The following PRR16 variants were observed in gnomAD, a reference collection of about 807,000 sequenced individuals.
PRR16 encodes the protein protein Largen.
A neutral mutation model predicts 18.2 loss-of-function variants in PRR16; 6 were observed. That is an observed-to-expected ratio of 0.33 (90% confidence interval 0.18 to 0.65). The LOEUF (loss-of-function observed/expected upper bound fraction) is 0.65. Among genes scored for constraint, PRR16 ranks in the 30% least tolerant of loss-of-function variants. The pLI, the probability that PRR16 is intolerant of heterozygous loss-of-function variation, is 0.74. For missense variants in PRR16, 412 were observed against 376.6 expected (o/e 1.09, Z -0.78); for synonymous variants, 151 against 147.8 (o/e 1.02, Z -0.16).
At chr5:120,705,389 A>C in the PRR16 span, among the ~76,000 whole-genome samples, 1 of 152,076 alleles carries the variant, frequency 6.6e-6, no homozygotes, top group African/African-American at 2.4e-5. Context: ...ATTTTAGTAA[A>C]CATATATATC....
the PRR16 span, among the ~76,000 whole-genome samples, chr5:120,720,637 A>C: frequency 4.6e-5 from 7 of 152,026 alleles, no homozygotes; most frequent in Non-Finnish European, 8.8e-5. Context: ...TTTGATGAGG[A>C]GATTATAAAA....
chr5:120,543,324 T>C (rs1202523793), intron 1 of PRR16, among the ~76,000 whole-genome samples: 1 of 152,028 alleles, frequency 6.6e-6, no homozygotes, highest in Non-Finnish European at 1.5e-5. Flanking sequence ...GAGCATATCG[T>C]GGGGTTATTT....
chr5:120,740,576 G>T, the PRR16 span, among the ~76,000 whole-genome samples: 1 of 151,890 alleles, frequency 6.6e-6, no homozygotes. Context: ...TGTTTCTTTG[G>T]CCTACTTTTG....
intron 1 of PRR16, among the ~76,000 whole-genome samples, chr5:120,502,155 A>T (rs924355704): frequency 6.6e-6 from 1 of 151,050 alleles, no homozygotes; most frequent in Non-Finnish European, 1.5e-5. Flanking sequence ...CACTTAAGGA[A>T]ATCTGTCCTA....
At chr5:120,688,887 G>A (rs1473163699), downstream of PRR16, among the ~76,000 whole-genome samples, 1 of 152,130 alleles carries the variant, frequency 6.6e-6, no homozygotes, top group African/African-American at 2.4e-5. Context: ...CAGACACCTA[G>A]AAACAATCTC....
chr5:120,596,108 A>G (rs1580767724), intron 1 of PRR16, among the ~76,000 whole-genome samples: 1 of 145,262 alleles, frequency 6.9e-6, no homozygotes, highest in Admixed American at 7.1e-5. Flanking sequence ...TATCTGTCTC[A>G]TTCCAGATGT....
chr5:120,508,650 T>C (rs975338863), intron 1 of PRR16, among the ~76,000 whole-genome samples: 5 of 152,126 alleles, frequency 3.3e-5, no homozygotes, highest in Non-Finnish European at 7.4e-5. Context: ...ATCCAGAATA[T>C]CCTTATAAAT....
chr5:120,481,456 G>A (rs1363660532), intron 1 of PRR16, among the ~76,000 whole-genome samples: 1 of 152,102 alleles, frequency 6.6e-6, no homozygotes, highest in Non-Finnish European at 1.5e-5. Flanking sequence ...CATTGCCGAT[G>A]TTGTTTCCAT....
Position 120,585,642 on chromosome 5 carries a change from A to C in PRR16, c.160-100312A>C, listed in dbSNP as rs570140456. Among the ~76,000 whole-genome samples, 76 of 149,920 alleles carry C rather than the reference A, an allele frequency of 5.1e-4. 1 individual carries two copies. The South Asian group carries it at 8.0e-3, about 16-fold the overall frequency. Reference sequence around the variant, plus strand: ...AAAAAAAAAAAAAAGCTCCTTCTTCACACTACCCCACTCCTTTGCCATCTC... The same window carrying C: ...AAAAAAAAAAAAAAGCTCCTTCTTCCCACTACCCCACTCCTTTGCCATCTC... On this transcript the variant is annotated intron_variant, in intron 1 of 1. Coordinates refer to ENST00000407149, the MANE Select transcript of PRR16 (RefSeq NM_001300783.2).
At chr5:120,495,204 A>G (rs1354277704) in intron 1 of PRR16, among the ~76,000 whole-genome samples, 1 of 152,048 alleles carries the variant, frequency 6.6e-6, no homozygotes, top group Non-Finnish European at 1.5e-5. Context: ...ATCCATGAAC[A>G]TGATTGTCTA....
chr5:120,572,399 A>G (rs1752936325), intron 1 of PRR16, among the ~76,000 whole-genome samples: 1 of 152,220 alleles, frequency 6.6e-6, no homozygotes, highest in South Asian at 2.1e-4. Context: ...GAAGAATCAG[A>G]GTTGAACTAA....
At chr5:120,788,045 C>T in the PRR16 span, among the ~76,000 whole-genome samples, 2 of 151,846 alleles carry the variant, frequency 1.3e-5, no homozygotes, top group Non-Finnish European at 2.9e-5. Context: ...TAACATTTTA[C>T]TATTTTTGAA....
At chr5:120,506,577 T>C (rs1334701335) in intron 1 of PRR16, among the ~76,000 whole-genome samples, 2 of 152,078 alleles carry the variant, frequency 1.3e-5, no homozygotes, top group Non-Finnish European at 2.9e-5. Flanking sequence ...CAGAGTGAGA[T>C]GATACCGTAT....
chr5:120,683,828 A>C (rs1263342376), intron 1 of PRR16, among the ~76,000 whole-genome samples: 1 of 152,138 alleles, frequency 6.6e-6, no homozygotes. Flanking sequence ...CAGAATCCTG[A>C]AGTCTGTTTT....
chr5:120,510,521 A>G (rs1465983728), intron 1 of PRR16, among the ~76,000 whole-genome samples: 2 of 152,196 alleles, frequency 1.3e-5, no homozygotes, highest in South Asian at 4.1e-4. Flanking sequence ...GAAAAAGACT[A>G]TGTCCCATGA....
At chr5:120,577,871 C>T (rs1389464360) in intron 1 of PRR16, among the ~76,000 whole-genome samples, 13 of 152,106 alleles carry the variant, frequency 8.5e-5, no homozygotes, top group Admixed American at 8.5e-4. Context: ...GATTTGGAAA[C>T]CTATGAGGTT....
intron 1 of PRR16, among the ~76,000 whole-genome samples, chr5:120,647,821 C>G (rs890996311): frequency 7.2e-5 from 11 of 151,892 alleles, no homozygotes; most frequent in African/African-American, 2.7e-4. Context: ...ACAAAAAACT[C>G]GTGTTTATAA....
At chr5:120,758,599 G>A in the PRR16 span, among the ~76,000 whole-genome samples, 2 of 152,116 alleles carry the variant, frequency 1.3e-5, no homozygotes, top group African/African-American at 4.8e-5. Flanking sequence ...TCTTATGACA[G>A]TGAGGGAGTT....
the PRR16 span, among the ~76,000 whole-genome samples, chr5:120,753,619 G>A: frequency 6.6e-6 from 1 of 151,210 alleles, no homozygotes; most frequent in African/African-American, 2.4e-5. Context: ...TGATGGTGAT[G>A]ATAGTGATGA....
Sources: gnomAD v4.1 joint callset for allele counts (sites outside exome capture counted in the v4.1 genomes callset) on GRCh38, gnomAD v4.1.1 for gene constraint, MANE v1.5 for transcripts, NCBI Gene and HGNC (gene_info 2026-07-23, HGNC 2026-07-21) for gene names.